The following GOLPH3 variants were observed in gnomAD, a reference collection of about 807,000 sequenced individuals.
GOLPH3 encodes coat protein GPP34.
A neutral mutation model predicts 28.5 loss-of-function variants in GOLPH3; 14 were observed. That is an observed-to-expected ratio of 0.49 (90% CI 0.32 to 0.77). The LOEUF (loss-of-function observed/expected upper bound fraction) is 0.77. Ranked by LOEUF, GOLPH3 falls within the 30% of genes least tolerant of loss-of-function variation. The probability of loss-of-function intolerance (pLI) is 0.03; values close to 1 mark genes in which losing one functional copy is unlikely to be tolerated. For missense variants in GOLPH3, 350 were observed against 393.7 expected, an observed-to-expected ratio of 0.89 and a Z score of 0.94; for synonymous variants, 158 against 159.2, an observed-to-expected ratio of 0.99 and a Z score of 0.06.
intron 2 of GOLPH3, among the ~76,000 whole-genome samples, chr5:32,137,593 A>G (rs977700394): frequency 1.3e-5 from 2 of 152,012 alleles, no homozygotes; most frequent in South Asian, 2.1e-4. Flanking sequence ...CAGGAGGTGG[A>G]GGCTGCAGTG....
intron 3 of GOLPH3, among the ~76,000 whole-genome samples, chr5:32,129,074 C>T (rs934199333): frequency 6.6e-6 from 1 of 151,904 alleles, no homozygotes; most frequent in Admixed American, 6.6e-5. Context: ...CCCAGCTACT[C>T]GGGAGGCTGA....
At chr5:32,140,276 C>G (rs1209230448) in intron 2 of GOLPH3, among the ~76,000 whole-genome samples, 3 of 151,552 alleles carry the variant, frequency 2.0e-5, no homozygotes, top group Non-Finnish European at 4.4e-5. Context: ...GGACAAGGCA[C>G]GAGGATCACT....
intron 1 of GOLPH3, 181 bp downstream of exon 1, chr5:32,173,629 C>A (rs957895555): frequency 2.5e-6 from 1 of 399,426 alleles, no homozygotes; most frequent in South Asian, 1.0e-4. Context: ...ACCAGCCGCG[C>A]CAGGGGGTCA....
At chr5:32,170,661 G>C (rs1406616812) in intron 1 of GOLPH3, among the ~76,000 whole-genome samples, 1 of 152,030 alleles carries the variant, frequency 6.6e-6, no homozygotes. Flanking sequence ...GTAAAGACAT[G>C]ATGAGTTGGC....
intron 1 of GOLPH3, among the ~76,000 whole-genome samples, chr5:32,163,875 T>C (rs1746648741): frequency 6.6e-6 from 1 of 152,188 alleles, no homozygotes. Context: ...TAAGTGTTAT[T>C]TCTGAGGTTA....
chr5:32,161,528 G>C (rs914473979), intron 1 of GOLPH3, among the ~76,000 whole-genome samples: 3 of 151,124 alleles, frequency 2.0e-5, no homozygotes, highest in African/African-American at 7.4e-5. Flanking sequence ...TTCTGATTTG[G>C]AGCATCAAGG....
At chr5:32,171,347 G>A (rs941555332) in intron 1 of GOLPH3, among the ~76,000 whole-genome samples, 4 of 152,052 alleles carry the variant, frequency 2.6e-5, no homozygotes, top group African/African-American at 9.7e-5. Flanking sequence ...ATGTTGGGCC[G>A]CATTTAAAGC....
intron 3 of GOLPH3, among the ~76,000 whole-genome samples, chr5:32,129,151 T>C (rs568135811): frequency 4.7e-4 from 71 of 152,204 alleles, no homozygotes; most frequent in African/African-American, 8.4e-4. Flanking sequence ...CACTGCACTC[T>C]AGCCTGGGTG....
intron 1 of GOLPH3, among the ~76,000 whole-genome samples, chr5:32,173,345 G>GAA (rs375637675): frequency 6.8e-6 from 1 of 147,084 alleles, no homozygotes; most frequent in Non-Finnish European, 1.5e-5. Flanking sequence ...TGAAGAAGAA[G>GAA]AAAAAAAAAA....
intron 2 of GOLPH3, among the ~76,000 whole-genome samples, chr5:32,142,252 T>A (rs1335799589): frequency 6.8e-6 from 1 of 146,250 alleles, no homozygotes; most frequent in African/African-American, 2.6e-5. Context: ...ACCTCTGCCC[T>A]GCCGCCCCGT....
At chr5:32,171,211 G>T (rs1029040247) in intron 1 of GOLPH3, among the ~76,000 whole-genome samples, 1 of 151,858 alleles carries the variant, frequency 6.6e-6, no homozygotes, top group African/African-American at 2.4e-5. Context: ...GGCTTCCCTG[G>T]GCCACACTGG....
Position 32,126,037 on chromosome 5 carries a change from C to A in GOLPH3, c.*175G>T. 1.7e-6 allele frequency: 1 copy of A among 591,802 alleles called. No individual in the cohort carries two copies. The allele number at this position is 591,802 out of a possible 1,614,324, so 36.7% of individuals were successfully genotyped here. On this transcript the variant is annotated 3_prime_UTR_variant, in exon 4 of 4. Transcript: ENST00000265070. Reference sequence around the variant, plus strand: ...TTTTTAAAAACAGAAAGAGGAAGGCCTCTCGTACCAGCAGAATCCTGTACA... The same window carrying A: ...TTTTTAAAAACAGAAAGAGGAAGGCATCTCGTACCAGCAGAATCCTGTACA...
At chr5:32,131,235 G>A (rs1745818735) in intron 3 of GOLPH3, among the ~76,000 whole-genome samples, 1 of 152,228 alleles carries the variant, frequency 6.6e-6, no homozygotes, top group South Asian at 2.1e-4. Flanking sequence ...TATCCCAAAT[G>A]TTGTTTAATA....
In GOLPH3 at chr5:32,125,938, T is replaced by C. The variant is rs1745667124; in HGVS notation, c.*274A>G. 2.8e-6 allele frequency: 1 copy of C among 356,624 alleles called. No homozygotes were observed. Among genetic ancestry groups the C allele is most frequent in the Non-Finnish European group, 5.1e-6 (1 of 196,780 alleles). The allele number at this position is 356,624 out of a possible 1,614,324, so 22.1% of individuals were successfully genotyped here. A position where few individuals can be genotyped will look rare whatever the true frequency, so the allele number is the denominator to read the frequency against. On this transcript the variant is annotated 3_prime_UTR_variant, in exon 4 of 4. Transcript: ENST00000265070. ...GCTGGAGGTACTTTGAAAGTCAAAG[T>C]AGACCAGAAACCCAAAACAGGTAAC... is the stretch of plus-strand genomic sequence containing the variant.
intron 2 of GOLPH3, among the ~76,000 whole-genome samples, chr5:32,138,869 T>C (rs1285764979): frequency 6.6e-6 from 1 of 152,202 alleles, no homozygotes; most frequent in Non-Finnish European, 1.5e-5. Context: ...ATGCTTTCAG[T>C]GAAGGGTGAG....
At chr5:32,145,338 T>G (rs1746163577) in intron 1 of GOLPH3, among the ~76,000 whole-genome samples, 2 of 152,208 alleles carry the variant, frequency 1.3e-5, no homozygotes, top group South Asian at 2.1e-4. Flanking sequence ...CACTTTAAAC[T>G]TAGGGTCGGG....
At chr5:32,155,020 T>G (rs559293444) in intron 1 of GOLPH3, among the ~76,000 whole-genome samples, 9 of 148,666 alleles carry the variant, frequency 6.1e-5, no homozygotes, top group Non-Finnish European at 1.2e-4. Context: ...GAGACAAAGG[T>G]TGCAGTGGAC....
At chr5:32,151,121 A>AT (rs970154288) in intron 1 of GOLPH3, among the ~76,000 whole-genome samples, 1 of 151,994 alleles carries the variant, frequency 6.6e-6, no homozygotes, top group Non-Finnish European at 1.5e-5. Flanking sequence ...GAGACTACCC[A>AT]TTTTTTTGGT....
chr5:32,142,333 G>A (rs1161537367), intron 2 of GOLPH3, among the ~76,000 whole-genome samples: 6 of 146,772 alleles, frequency 4.1e-5, no homozygotes, highest in Middle Eastern at 3.9e-3. Context: ...CCTGGCAACC[G>A]CCCCGTCTGA....
Sources: gnomAD v4.1 joint callset for allele counts (sites outside exome capture counted in the v4.1 genomes callset) on GRCh38, gnomAD v4.1.1 for gene constraint, MANE v1.5 for transcripts, NCBI Gene and HGNC (gene_info 2026-07-23, HGNC 2026-07-21) for gene names.